The following RMDN2 variants were observed in gnomAD, a reference collection of about 807,000 sequenced individuals.
The protein encoded by RMDN2 is regulator of microtubule dynamics 2.
In RMDN2, 61 loss-of-function variants were observed where a neutral mutation model predicts 52.8. That is an observed-to-expected ratio of 1.16 (90% CI 0.94 to 1.43). RMDN2 has a LOEUF of 1.43. Ranked by LOEUF, RMDN2 falls within the 40% of genes most tolerant of loss-of-function variation. The probability of loss-of-function intolerance (pLI) is 0.00; values close to 1 mark genes in which losing one functional copy is unlikely to be tolerated. For synonymous variants in RMDN2, 180 were observed against 153.1 expected (o/e 1.18, Z -1.30); for missense variants, 592 against 475.3 (o/e 1.25, Z -2.28).
chr2:38,046,378 C>T (rs1259538955), intron 10 of RMDN2, among the ~76,000 whole-genome samples: 2 of 151,690 alleles, frequency 1.3e-5, no homozygotes, highest in African/African-American at 2.4e-5. Flanking sequence ...AAAATAAGAA[C>T]AATAATAATA....
At chr2:37,969,954 A>G (rs1274684653) in intron 2 of RMDN2, among the ~76,000 whole-genome samples, 1 of 148,898 alleles carries the variant, frequency 6.7e-6, no homozygotes, top group Admixed American at 6.7e-5. Flanking sequence ...TCCCTTTTCA[A>G]CAGTTTCTTA....
chr2:37,943,462 C>T (rs906591142), intron 2 of RMDN2, among the ~76,000 whole-genome samples: 2 of 152,178 alleles, frequency 1.3e-5, no homozygotes, highest in African/African-American at 2.4e-5. Flanking sequence ...CTTCTCCAAA[C>T]CTCAATTTAT....
chr2:38,059,629 G>A (rs1280213766), intron 10 of RMDN2, among the ~76,000 whole-genome samples: 2 of 152,186 alleles, frequency 1.3e-5, no homozygotes, highest in East Asian at 1.9e-4. Context: ...GGGAGCTTGT[G>A]GGGGCAGGCT....
At chr2:38,061,646 C>CACACACAT (rs138471775) in intron 10 of RMDN2, among the ~76,000 whole-genome samples, 4,440 of 149,892 alleles carry the variant, frequency 0.03, 240 homozygotes, top group African/African-American at 0.1. Flanking sequence ...CACACACACA[C>CACACACAT]ACACACATAC....
intron 8 of RMDN2, 126 bp from the exon 9 acceptor site, chr2:38,003,865 C>G (rs985088417): frequency 9.6e-6 from 7 of 728,322 alleles, no homozygotes; most frequent in Admixed American, 4.4e-5. Flanking sequence ...TGTGAAACAA[C>G]CAACCTAAAT....
intron 10 of RMDN2, among the ~76,000 whole-genome samples, chr2:38,052,503 T>C (rs574384651): frequency 1.3e-5 from 2 of 152,346 alleles, no homozygotes; most frequent in Admixed American, 6.5e-5. Flanking sequence ...TTGTTTCCTT[T>C]GCTGTACAGA....
chr2:38,006,466 A>G (rs1374758294), intron 10 of RMDN2, among the ~76,000 whole-genome samples: 1 of 152,148 alleles, frequency 6.6e-6, no homozygotes, highest in Non-Finnish European at 1.5e-5. Context: ...CTTTGAAGCA[A>G]TTGTGAATGG....
chr2:38,003,597 T>TAGATAGAC (rs1676644396), intron 8 of RMDN2, among the ~76,000 whole-genome samples: 1 of 128,742 alleles, frequency 7.8e-6, no homozygotes, highest in South Asian at 2.4e-4. Flanking sequence ...GATAGATAGA[T>TAGATAGAC]AGATAGGCAG....
intron 2 of RMDN2, among the ~76,000 whole-genome samples, chr2:37,955,787 T>G (rs1193584697): frequency 6.6e-6 from 1 of 152,110 alleles, no homozygotes; most frequent in African/African-American, 2.4e-5. Flanking sequence ...TAAACCTCTT[T>G]TTTCTTCCCA....
chr2:37,998,544 C>T (rs921869911), intron 8 of RMDN2, among the ~76,000 whole-genome samples: 7 of 151,974 alleles, frequency 4.6e-5, no homozygotes, highest in African/African-American at 7.2e-5. Flanking sequence ...TAATAATAAA[C>T]GTCTTGTACA....
chr2:37,927,350 C>T (rs1172948229), intron 1 of RMDN2, among the ~76,000 whole-genome samples: 1 of 152,148 alleles, frequency 6.6e-6, no homozygotes, highest in South Asian at 2.1e-4. Context: ...AGTGACTTGA[C>T]ACCTGTGTGC....
Position 37,933,638 on chromosome 2 carries a change from G to A in RMDN2, c.452+3909G>A, listed in dbSNP as rs1316951601. Among the ~76,000 whole-genome samples the A allele has an allele frequency of 6.6e-5, 10 of 152,362 alleles. No individual in the cohort carries two copies. In the South Asian group the frequency reaches 1.2e-3, roughly 19 times the overall value. On this transcript the variant is annotated intron_variant, in intron 2 of 10. Transcript: ENST00000354545. ...AATACGAAAACCAGTCAGGCGTGGC[G>A]GCGTGCGCCTGCAATGGCAGGCACT... is the stretch of plus-strand genomic sequence containing the variant.
chr2:38,052,974 TGACTGCCAACTTTACA>T (rs1182609298), intron 10 of RMDN2, among the ~76,000 whole-genome samples: 2 of 152,216 alleles, frequency 1.3e-5, no homozygotes, highest in Non-Finnish European at 2.9e-5. Flanking sequence ...ACTAATTCCA[TGACTGCCAACTTTACA>T]GATGTCAAGG....
chr2:37,988,469 C>CA (rs1674334384), intron 5 of RMDN2, among the ~76,000 whole-genome samples: 1 of 152,078 alleles, frequency 6.6e-6, no homozygotes, highest in Non-Finnish European at 1.5e-5. Flanking sequence ...AAACAGAGAT[C>CA]AAAAAGGTCA....
chr2:37,993,401 T>G (rs1183643757), intron 7 of RMDN2, among the ~76,000 whole-genome samples: 1 of 152,100 alleles, frequency 6.6e-6, no homozygotes, highest in African/African-American at 2.4e-5. Flanking sequence ...AAAGAAAGTT[T>G]CCAGCATATG....
chr2:37,921,727 A>T (rs1666036935), upstream of RMDN2, among the ~76,000 whole-genome samples: 2 of 152,218 alleles, frequency 1.3e-5, no homozygotes, highest in African/African-American at 2.4e-5. Flanking sequence ...TTAAGAGAAA[A>T]GGCTCTCAGA....
At chr2:37,926,979 C>T (rs1411584259) in intron 1 of RMDN2, among the ~76,000 whole-genome samples, 1 of 151,554 alleles carries the variant, frequency 6.6e-6, no homozygotes, top group Non-Finnish European at 1.5e-5. Flanking sequence ...TGAAATTATT[C>T]TGAAGGCAAG....
chr2:37,939,726 C>G (rs1353124375), intron 2 of RMDN2, among the ~76,000 whole-genome samples: 3 of 152,034 alleles, frequency 2.0e-5, no homozygotes, highest in African/African-American at 7.2e-5. Context: ...CTTTTTTTAG[C>G]TTTCCATTTG....
At position 37,978,307 on chromosome 2, in the gene RMDN2, G is replaced by A. The variant is rs185754757; in HGVS notation, c.731-2976G>A. Among the ~76,000 whole-genome samples, 6 of 130,704 alleles carry A rather than the reference G, an allele frequency of 4.6e-5. No homozygotes were observed. In the East Asian group the frequency reaches 1.5e-3, roughly 32 times the overall value. The allele number at this position is 130,704 out of a possible 152,430, so 85.7% of individuals were successfully genotyped here. ...CTGGGCTCGGCATCAGAGGGAGACC[G>A]TGCAAAGGGGAGGGGGGAGAGGGAG... On this transcript the variant is annotated intron_variant, in intron 4 of 10. Coordinates refer to ENST00000354545, the MANE Select transcript of RMDN2 (RefSeq NM_001170791.3).
Sources: gnomAD v4.1 joint callset for allele counts (sites outside exome capture counted in the v4.1 genomes callset) on GRCh38, gnomAD v4.1.1 for gene constraint, MANE v1.5 for transcripts, NCBI Gene and HGNC (gene_info 2026-07-23, HGNC 2026-07-21) for gene names.